TMSB15B: variants seen among roughly 807,000 people sequenced by gnomAD.
TMSB15B encodes the protein thymosin beta 15B.
chrX:103,919,872 T>C (rs61526590), intron 1 of TMSB15B, among the ~76,000 whole-genome samples: 1 of 111,681 alleles, frequency 9.0e-6, no homozygotes, highest in African/African-American at 3.3e-5. Flanking sequence ...ATGCTAATTG[T>C]TTGCCCTGCA....
At chrX:103,919,624 A>G (rs1460147210) in intron 1 of TMSB15B, 2 of 111,966 alleles carry the variant, frequency 1.8e-5, no homozygotes, top group African/African-American at 6.5e-5. Flanking sequence ...ATCTGACTTC[A>G]AAGGCTACCC....
intron 1 of TMSB15B, among the ~76,000 whole-genome samples, chrX:103,946,970 A>G (rs1389670941): frequency 2.7e-5 from 3 of 111,291 alleles, no homozygotes; most frequent in Admixed American, 9.6e-5. Context: ...TTGGAAAACT[A>G]GTTGGCTCTA....
chrX:103,952,368 G>A (rs1373279290), intron 1 of TMSB15B, among the ~76,000 whole-genome samples: 1 of 111,610 alleles, frequency 9.0e-6, no homozygotes, highest in Non-Finnish European at 1.9e-5. Flanking sequence ...TTTTTAGGGA[G>A]GTGGGAGAGG....
chrX:103,928,406 G>A, intron 1 of TMSB15B: 2 of 1,209,824 alleles, frequency 1.7e-6, no homozygotes, highest in Non-Finnish European at 2.2e-6. Context: ...AGCCTGCTGT[G>A]CTTTCTCTCT....
intron 1 of TMSB15B, chrX:103,928,188 A>G (rs1318712690): frequency 1.7e-6 from 2 of 1,180,471 alleles, no homozygotes; most frequent in African/African-American, 1.8e-5. Context: ...TCCCAGGCCT[A>G]TGCCCTTGGG....
chrX:103,926,033 G>T (rs1188436195), intron 1 of TMSB15B, among the ~76,000 whole-genome samples: 3 of 111,223 alleles, frequency 2.7e-5, no homozygotes, highest in Non-Finnish European at 3.8e-5. Context: ...AAGTGGGGCT[G>T]CCAGGGGCTA....
At chrX:103,934,699 C>T (rs188488463) in intron 1 of TMSB15B, among the ~76,000 whole-genome samples, 73 of 111,806 alleles carry the variant, frequency 6.5e-4, no homozygotes, top group African/African-American at 2.3e-3. Context: ...CATATTATTC[C>T]ATGGTGTATA....
chrX:103,926,356 G>C (rs782481821), intron 1 of TMSB15B, among the ~76,000 whole-genome samples: 1 of 103,417 alleles, frequency 9.7e-6, no homozygotes, highest in African/African-American at 3.6e-5. Flanking sequence ...GATATGGATG[G>C]AGTGGGGTGG....
At chrX:103,925,546 T>C (rs782393996) in intron 1 of TMSB15B, among the ~76,000 whole-genome samples, 36 of 112,518 alleles carry the variant, frequency 3.2e-4, no homozygotes, top group Non-Finnish European at 3.4e-4. Context: ...CTGACAGATA[T>C]AGTATGGAGA....
At chrX:103,943,865 T>A (rs1386573089) in intron 1 of TMSB15B, among the ~76,000 whole-genome samples, 2 of 112,176 alleles carry the variant, frequency 1.8e-5, no homozygotes, top group Non-Finnish European at 3.8e-5. Flanking sequence ...TATGCAGGCT[T>A]CTTGGACTCT....
intron 1 of TMSB15B, among the ~76,000 whole-genome samples, chrX:103,929,810 A>G (rs1375366763): frequency 1.8e-5 from 2 of 111,625 alleles, no homozygotes; most frequent in Admixed American, 1.9e-4. Context: ...CCTGGAAGTG[A>G]AGTGACCATA....
rs1367010757 is a variant in TMSB15B, at chrX:103,936,556, A to G, written c.-721+17264A>G. Among the ~76,000 whole-genome samples the G allele has an allele frequency of 2.7e-5, 3 of 112,111 alleles. No homozygotes were observed. The Admixed American group carries it at 2.8e-4, about 11-fold the overall frequency. ...CTTAAGGAGTTTATGGGCTGAGACCATGGGGTTTCTAAATATACCATCATG... is the reference window on the plus strand; with the variant it reads ...CTTAAGGAGTTTATGGGCTGAGACCGTGGGGTTTCTAAATATACCATCATG... On this transcript the variant is annotated intron_variant, in intron 1 of 3. Coordinates refer to the TMSB15B transcript ENST00000419165.
At chrX:103,949,179 C>T (rs2075033004) in intron 1 of TMSB15B, among the ~76,000 whole-genome samples, 2 of 111,611 alleles carry the variant, frequency 1.8e-5, no homozygotes, top group Non-Finnish European at 3.8e-5. Context: ...ATGAGGAGAG[C>T]AGATCAGAGA....
Position 103,922,986 on chromosome X carries a change from T to C in TMSB15B, c.-721+3694T>C, listed in dbSNP as rs782748437. On this transcript the variant is annotated intron_variant, in intron 1 of 3. Transcript: ENST00000419165. ...TGATGAGCATTTTTTCATGTGTCTG[T>C]TGGCTGCATAAATGTCTTCTTTTGA... 3.5e-5 allele frequency among the ~76,000 whole-genome samples: 4 copies of C among 112,783 alleles called. No homozygotes were observed. In the East Asian group the frequency reaches 8.4e-4, roughly 24 times the overall value.
At chrX:103,928,332 G>A in intron 1 of TMSB15B, 1 of 1,208,093 alleles carries the variant, frequency 8.3e-7, no homozygotes, top group Non-Finnish European at 1.1e-6. Flanking sequence ...ACTTCTACCG[G>A]GGAATCTACC....
intron 1 of TMSB15B, among the ~76,000 whole-genome samples, chrX:103,937,064 G>A (rs782183480): frequency 4.5e-5 from 5 of 111,915 alleles, no homozygotes; most frequent in East Asian, 5.6e-4. Context: ...TGCTGGATTC[G>A]GTTTGCCAGT....
At chrX:103,952,221 C>T (rs2075040839) in intron 1 of TMSB15B, among the ~76,000 whole-genome samples, 1 of 111,357 alleles carries the variant, frequency 9.0e-6, no homozygotes, top group East Asian at 2.8e-4. Flanking sequence ...ATTGAACTCA[C>T]TAACAATTAA....
intron 1 of TMSB15B, among the ~76,000 whole-genome samples, chrX:103,947,256 G>T (rs1281126512): frequency 1.8e-5 from 2 of 111,618 alleles, no homozygotes; most frequent in Non-Finnish European, 3.8e-5. Context: ...TTGAGCAAAA[G>T]AATCCAGACA....
intron 1 of TMSB15B, among the ~76,000 whole-genome samples, chrX:103,925,382 A>C (rs781981745): frequency 8.9e-6 from 1 of 112,687 alleles, no homozygotes; most frequent in African/African-American, 3.2e-5. Context: ...TTGGATTTAT[A>C]CAATGGATTA....
Sources: allele counts gnomAD v4.1 joint callset (sites outside exome capture counted in the v4.1 genomes callset), GRCh38; gene constraint gnomAD v4.1.1; transcripts MANE v1.5; gene names NCBI Gene and HGNC (gene_info 2026-07-23, HGNC 2026-07-21).